KRABD4: variants seen among roughly 807,000 people sequenced by gnomAD.
The protein encoded by KRABD4 is KRAB domain-containing protein 4.
the KRABD4 span, chrX:46,472,686 G>A: frequency 1.7e-6 from 2 of 1,152,751 alleles, no homozygotes; most frequent in East Asian, 3.0e-5. Context: ...AGGGATTAAT[G>A]TTATTCCATA....
chrX:46,464,483 A>T, the KRABD4 span, among the ~76,000 whole-genome samples: 1 of 112,048 alleles, frequency 8.9e-6, no homozygotes, highest in African/African-American at 3.2e-5. Context: ...GGCCCCAAGG[A>T]CCTACAGGTG....
At chrX:46,460,444 G>C in the KRABD4 span, among the ~76,000 whole-genome samples, 4 of 109,097 alleles carry the variant, frequency 3.7e-5, no homozygotes, top group African/African-American at 1.3e-4. Context: ...TGGGGGCAGG[G>C]GGGTGGATAT....
chrX:46,449,338 G>C, the KRABD4 span, among the ~76,000 whole-genome samples: 1 of 111,763 alleles, frequency 8.9e-6, no homozygotes, highest in African/African-American at 3.3e-5. Context: ...CTGAGCCCCT[G>C]TTGGGCTCCT....
the KRABD4 span, chrX:46,455,578 C>G: frequency 2.3e-6 from 1 of 427,297 alleles, no homozygotes; most frequent in East Asian, 4.6e-5. Flanking sequence ...AATTTCTGTT[C>G]TAGGATTTGA....
chrX:46,453,055 G>A, the KRABD4 span, among the ~76,000 whole-genome samples: 10 of 111,743 alleles, frequency 8.9e-5, no homozygotes, highest in Non-Finnish European at 1.9e-4. Context: ...AGCTCCTTGG[G>A]TTAACTTAAG....
At chrX:46,462,808 G>C in the KRABD4 span, 2 of 1,211,831 alleles carry the variant, frequency 1.7e-6, no homozygotes, top group Non-Finnish European at 2.2e-6. Flanking sequence ...GCAGCAACTG[G>C]ACTCTGCCCA....
the KRABD4 span, among the ~76,000 whole-genome samples, chrX:46,469,987 A>C: frequency 1.3e-4 from 14 of 110,582 alleles, no homozygotes; most frequent in Admixed American, 2.9e-4. Flanking sequence ...TTCCTATGTA[A>C]TTATTGATAT....
At chrX:46,463,194 A>T in the KRABD4 span, 2 of 1,207,370 alleles carry the variant, frequency 1.7e-6, no homozygotes, top group Admixed American at 2.2e-5. Flanking sequence ...TTTCCCCCGA[A>T]CAGGGTATCT....
At chrX:46,451,528 C>T in the KRABD4 span, among the ~76,000 whole-genome samples, 1 of 111,722 alleles carries the variant, frequency 9.0e-6, no homozygotes, top group African/African-American at 3.3e-5. Flanking sequence ...TAAACAGTGC[C>T]TCATAAACAA....
the KRABD4 span, among the ~76,000 whole-genome samples, chrX:46,470,236 A>T: frequency 1.8e-5 from 2 of 111,147 alleles, no homozygotes; most frequent in African/African-American, 6.5e-5. Context: ...ATCTTGAAAA[A>T]CTATACTACA....
At chrX:46,456,758 A>G in the KRABD4 span, 1 of 307,306 alleles carries the variant, frequency 3.3e-6, no homozygotes, top group South Asian at 9.0e-5. Flanking sequence ...CCTGTTGTTG[A>G]GGTTGTCCTG....
chrX:46,460,160 C>T, the KRABD4 span, among the ~76,000 whole-genome samples: 4 of 111,929 alleles, frequency 3.6e-5, no homozygotes, highest in African/African-American at 1.3e-4. Context: ...CGCGGTGGCT[C>T]ATTAATCCCA....
At chrX:46,461,960 G>C in the KRABD4 span, among the ~76,000 whole-genome samples, 7 of 110,568 alleles carry the variant, frequency 6.3e-5, no homozygotes, top group Admixed American at 6.7e-4. Flanking sequence ...AGTGTCTTAA[G>C]TGTCACTTTT....
At chrX:46,451,312 A>G in the KRABD4 span, among the ~76,000 whole-genome samples, 1 of 111,488 alleles carries the variant, frequency 9.0e-6, no homozygotes, top group African/African-American at 3.3e-5. Context: ...CCAAAAACAT[A>G]TACACATGTA....
At chrX:46,473,769 C>T in the KRABD4 span, 1 of 150,229 alleles carries the variant, frequency 6.7e-6, no homozygotes, top group Admixed American at 7.7e-5. Flanking sequence ...ATTCTCCTGC[C>T]TCAACCTCCC....
the KRABD4 span, chrX:46,463,195 C>T: frequency 2.5e-6 from 3 of 1,208,850 alleles, no homozygotes; most frequent in South Asian, 5.3e-5. Context: ...TTCCCCCGAA[C>T]AGGGTATCTA....
the KRABD4 span, chrX:46,455,801 A>G: frequency 4.0e-4 from 147 of 363,140 alleles, no homozygotes; most frequent in Non-Finnish European, 6.5e-4. Flanking sequence ...TAGAATTCAG[A>G]GTTGCTCTTA....
chrX:46,457,150 T>A, the KRABD4 span: 2 of 298,212 alleles, frequency 6.7e-6, no homozygotes, highest in South Asian at 1.8e-4. Context: ...TAAGTACTGA[T>A]AAAGCGGAGA....
the KRABD4 span, among the ~76,000 whole-genome samples, chrX:46,459,445 T>G: frequency 8.9e-6 from 1 of 111,935 alleles, no homozygotes; most frequent in Non-Finnish European, 1.9e-5. Context: ...CTATCAAAAC[T>G]TTTAACTTAT....
Sources: allele counts gnomAD v4.1 joint callset (sites outside exome capture counted in the v4.1 genomes callset), GRCh38; gene constraint gnomAD v4.1.1; transcripts MANE v1.5; gene names NCBI Gene and HGNC (gene_info 2026-07-23, HGNC 2026-07-21).